The following CDH8 variants were observed in gnomAD, a reference collection of about 807,000 sequenced individuals.
CDH8 encodes the protein cadherin 8.
CDH8 carries 17 observed loss-of-function variants against 68.1 expected under a neutral mutation model. The observed-to-expected ratio is 0.25, with a 90% CI of 0.17 to 0.37. The LOEUF (loss-of-function observed/expected upper bound fraction) is 0.37, where lower values mean the gene tolerates loss of function less well. CDH8 is among the 10% of genes least tolerant of loss of function. The pLI is 1.00. For synonymous variants in CDH8, 372 were observed against 365.1 expected (o/e 1.02, Z -0.21); for missense variants, 763 against 999.3 (o/e 0.76, Z 3.19).
chr16:61,971,634 A>G (rs555453973), intron 2 of CDH8, among the ~76,000 whole-genome samples: 35 of 152,162 alleles, frequency 2.3e-4, no homozygotes, highest in Non-Finnish European at 4.1e-4. Context: ...CATAGGTATG[A>G]TTGATGAAAT....
intron 3 of CDH8, among the ~76,000 whole-genome samples, chr16:61,859,423 A>G (rs1963109913): frequency 6.6e-6 from 1 of 152,160 alleles, no homozygotes; most frequent in Non-Finnish European, 1.5e-5. Context: ...AATTAAGAAG[A>G]AAATATAGGG....
At chr16:61,672,333 TA>T (rs987752838) in intron 10 of CDH8, among the ~76,000 whole-genome samples, 1 of 152,116 alleles carries the variant, frequency 6.6e-6, no homozygotes, top group Admixed American at 6.6e-5. Flanking sequence ...TATTTCAGAA[TA>T]TTTTTGAATA....
intron 4 of CDH8, among the ~76,000 whole-genome samples, chr16:61,839,361 G>C (rs900318758): frequency 1.2e-4 from 19 of 152,078 alleles, no homozygotes; most frequent in Non-Finnish European, 2.5e-4. Flanking sequence ...TTCCCAAAGT[G>C]TGAACTTAGT....
chr16:61,658,082 T>C (rs1963485543), intron 10 of CDH8, among the ~76,000 whole-genome samples: 1 of 152,084 alleles, frequency 6.6e-6, no homozygotes, highest in African/African-American at 2.4e-5. Flanking sequence ...ACTCATCTAT[T>C]TTTGTTTTTG....
At chr16:61,762,066 A>G (rs1960484253) in intron 8 of CDH8, among the ~76,000 whole-genome samples, 1 of 152,228 alleles carries the variant, frequency 6.6e-6, no homozygotes, top group African/African-American at 2.4e-5. Flanking sequence ...GTTGCCATGA[A>G]CTAAAGACGG....
intron 2 of CDH8, among the ~76,000 whole-genome samples, chr16:61,910,966 C>A (rs1964151678): frequency 6.6e-6 from 1 of 152,046 alleles, no homozygotes; most frequent in Non-Finnish European, 1.5e-5. Context: ...ATTCAATAAG[C>A]AATGATATAA....
At chr16:61,899,829 A>AGACACACAC (rs1434318158) in intron 3 of CDH8, among the ~76,000 whole-genome samples, 1 of 64,840 alleles carries the variant, frequency 1.5e-5, no homozygotes, top group East Asian at 4.5e-4. Flanking sequence ...GAATGTTATA[A>AGACACACAC]AGACACACAC....
At chr16:61,866,309 T>C (rs1272782764) in intron 3 of CDH8, among the ~76,000 whole-genome samples, 3 of 152,122 alleles carry the variant, frequency 2.0e-5, no homozygotes, top group Non-Finnish European at 2.9e-5. Context: ...TTGCACAGTA[T>C]ATACTATATG....
intron 3 of CDH8, among the ~76,000 whole-genome samples, chr16:61,871,298 A>G (rs546254459): frequency 2.0e-5 from 3 of 151,580 alleles, no homozygotes; most frequent in African/African-American, 7.3e-5. Context: ...CTCCCACCTC[A>G]GCCTCCCAAG....
At chr16:61,788,680 GA>G (rs1034566462) in intron 8 of CDH8, among the ~76,000 whole-genome samples, 3 of 150,502 alleles carry the variant, frequency 2.0e-5, no homozygotes, top group Admixed American at 6.6e-5. Flanking sequence ...GTGCAAAGAA[GA>G]AAAAAAAGTC....
chr16:62,011,244 G>A (rs1901805590), intron 2 of CDH8, among the ~76,000 whole-genome samples: 1 of 152,134 alleles, frequency 6.6e-6, no homozygotes, highest in Admixed American at 6.5e-5. Flanking sequence ...GCTGCATTGT[G>A]GTAAATGCAT....
intron 8 of CDH8, among the ~76,000 whole-genome samples, chr16:61,750,717 C>A (rs957771049): frequency 6.6e-6 from 1 of 152,064 alleles, no homozygotes; most frequent in African/African-American, 2.4e-5. Context: ...AATAAAAATG[C>A]CACCAATGAG....
chr16:61,755,851 C>T (rs78513878), intron 8 of CDH8, among the ~76,000 whole-genome samples: 23,644 of 151,462 alleles, frequency 0.16, 1,882 homozygotes, highest in Middle Eastern at 0.24. Context: ...TCTCGCGTCT[C>T]GCTCTGTCGC....
At position 61,650,262 on chromosome 16, in the gene CDH8, T is replaced by G. The variant is rs1004363221; in HGVS notation, c.*3346A>C. 4.6e-5 allele frequency: 7 copies of G among 152,126 alleles called. No homozygotes were observed. Among genetic ancestry groups the G allele is most frequent in the Admixed American group, 4.6e-4 (7 of 15,260 alleles). 9.4% of individuals were successfully genotyped at this position (152,126 alleles called of 1,614,324 possible). Reference sequence around the variant, plus strand: ...ATGTTTAAGAGACACTTTGCTAATATGATTTGATCAAATCATAGGCAGAGT... The same window carrying G: ...ATGTTTAAGAGACACTTTGCTAATAGGATTTGATCAAATCATAGGCAGAGT... On this transcript the variant is annotated 3_prime_UTR_variant, in exon 12 of 12. Transcript: ENST00000577390.
chr16:61,938,685 G>T (rs1422482868), intron 2 of CDH8, among the ~76,000 whole-genome samples: 1 of 152,132 alleles, frequency 6.6e-6, no homozygotes, highest in Admixed American at 6.6e-5. Context: ...CCTCAAATTT[G>T]TCCAAAGATC....
At chr16:61,849,610 C>T (rs1962898825) in intron 4 of CDH8, among the ~76,000 whole-genome samples, 1 of 152,094 alleles carries the variant, frequency 6.6e-6, no homozygotes, top group East Asian at 1.9e-4. Flanking sequence ...GTAGAGCTAC[C>T]TCATCCTTTA....
intron 8 of CDH8, among the ~76,000 whole-genome samples, chr16:61,778,107 G>T (rs1271391765): frequency 6.6e-6 from 1 of 151,972 alleles, no homozygotes; most frequent in African/African-American, 2.4e-5. Flanking sequence ...AACCACCTCT[G>T]TACCTGAATT....
rs1417000628 is a variant in CDH8, at chr16:61,653,808, T to C, written c.2200A>G (p.Asn734Asp). 6.2e-7 allele frequency: 1 copy of C among 1,614,220 alleles called. No homozygotes were observed. Residue 734 changes from asparagine to aspartate, a missense_variant, in exon 12 of 12, where the codon AAT (asparagine) becomes GAT (aspartate). This residue lies in a region of CDH8 where 397 missense variants were observed against 436.2 expected (regional missense o/e 0.91). Transcript: ENST00000577390. ...TCATATGGCGGGGCCGTGGGATCAT[T>C]ATCTGCCTCATGCAGCCTTACATTT... Reference protein sequence around the residue: ...FINVRLHEADNDPTAPPYDSI... With the variant: ...FINVRLHEADDDPTAPPYDSI...
intron 8 of CDH8, among the ~76,000 whole-genome samples, chr16:61,728,731 C>G (rs1959449819): frequency 1.3e-5 from 2 of 151,016 alleles, no homozygotes; most frequent in African/African-American, 2.4e-5. Flanking sequence ...CGTTTTCCAG[C>G]CTGACCATTA....
Sources: allele counts gnomAD v4.1 joint callset (sites outside exome capture counted in the v4.1 genomes callset), GRCh38; gene constraint gnomAD v4.1.1; regional missense constraint gnomAD v4.1.1; transcripts MANE v1.5; gene names NCBI Gene and HGNC (gene_info 2026-07-23, HGNC 2026-07-21).